The following DAB1 variants were observed in gnomAD, a reference collection of about 807,000 sequenced individuals.
DAB1 encodes disabled homolog 1.
In DAB1, 15 loss-of-function variants were observed where a neutral mutation model predicts 64.6. The ratio of observed to expected loss-of-function variants is 0.23; its 90% CI spans 0.16 to 0.36. The LOEUF (loss-of-function observed/expected upper bound fraction) is 0.36, where lower values mean the gene tolerates loss of function less well. DAB1 is among the 10% of genes least tolerant of loss of function. The pLI is 1.00. For missense variants in DAB1, 596 were observed against 706.7 expected, an observed-to-expected ratio of 0.84 and a Z score of 1.78; for synonymous variants, 235 against 251.9, an observed-to-expected ratio of 0.93 and a Z score of 0.64.
At chr1:57,979,305 A>G (rs1021154839) in intron 5 of DAB1, among the ~76,000 whole-genome samples, 1 of 152,224 alleles carries the variant, frequency 6.6e-6, no homozygotes, top group Non-Finnish European at 1.5e-5. Flanking sequence ...TCAGCAAACT[A>G]TCACAAGAAC....
chr1:57,075,236 T>A (rs3768190), intron 4 of DAB1, among the ~76,000 whole-genome samples: 1 of 152,018 alleles, frequency 6.6e-6, no homozygotes, highest in East Asian at 1.9e-4. Flanking sequence ...AAAATATCAC[T>A]TACCAGGCAA....
intron 7 of DAB1, among the ~76,000 whole-genome samples, chr1:57,545,274 T>C (rs906691308): frequency 6.6e-6 from 1 of 152,240 alleles, no homozygotes; most frequent in Non-Finnish European, 1.5e-5. Flanking sequence ...ACTCCAGTTC[T>C]TTTCTATCCT....
intron 4 of DAB1, among the ~76,000 whole-genome samples, chr1:57,114,601 G>C (rs1255397528): frequency 6.6e-6 from 1 of 152,204 alleles, no homozygotes; most frequent in Non-Finnish European, 1.5e-5. Context: ...TAGCACTTCA[G>C]TATGAAGGAA....
At chr1:58,166,939 G>A (rs930166361) in intron 4 of DAB1, among the ~76,000 whole-genome samples, 1 of 151,440 alleles carries the variant, frequency 6.6e-6, no homozygotes, top group African/African-American at 2.4e-5. Flanking sequence ...TAGAGATGGG[G>A]TTTCACCATG....
intron 3 of DAB1, among the ~76,000 whole-genome samples, chr1:58,371,794 A>G (rs1644266010): frequency 6.6e-6 from 1 of 152,202 alleles, no homozygotes; most frequent in Admixed American, 6.5e-5. Context: ...AGCTCCAGCC[A>G]TTGCTTCAAA....
intron 6 of DAB1, among the ~76,000 whole-genome samples, chr1:57,787,362 A>G (rs948088825): frequency 2.6e-5 from 4 of 152,110 alleles, no homozygotes; most frequent in African/African-American, 9.7e-5. Flanking sequence ...TCCAAAATAG[A>G]CCTGCACGTA....
intron 1 of DAB1, among the ~76,000 whole-genome samples, chr1:57,323,630 G>A (rs192382008): frequency 6.6e-6 from 1 of 152,204 alleles, no homozygotes; most frequent in Non-Finnish European, 1.5e-5. Flanking sequence ...ATCAAACTCA[G>A]CTATGTTGTA....
intron 3 of DAB1, among the ~76,000 whole-genome samples, chr1:58,407,642 T>G (rs1390542167): frequency 6.6e-6 from 1 of 152,138 alleles, no homozygotes. Flanking sequence ...TCAATAGTGC[T>G]GAGGTTGAGA....
At chr1:57,887,606 C>T (rs1288037458), upstream of DAB1, among the ~76,000 whole-genome samples, 3 of 152,170 alleles carry the variant, frequency 2.0e-5, no homozygotes, top group African/African-American at 7.2e-5. Context: ...GCTATTGATG[C>T]TTTAGTGATA....
intron 2 of DAB1, among the ~76,000 whole-genome samples, chr1:57,166,679 G>A (rs1256082035): frequency 1.3e-5 from 2 of 152,136 alleles, no homozygotes; most frequent in Non-Finnish European, 2.9e-5. Context: ...TGAGTGTGAG[G>A]AGATGAGAGG....
chr1:58,538,898 T>A (rs1253050382), intron 1 of DAB1: 1 of 872,878 alleles, frequency 1.1e-6, no homozygotes, highest in South Asian at 1.3e-5. Context: ...AAATTCCTAA[T>A]AGCTCTTATG....
intron 7 of DAB1, among the ~76,000 whole-genome samples, chr1:57,538,609 C>G (rs1240412217): frequency 6.6e-6 from 1 of 152,194 alleles, no homozygotes; most frequent in Non-Finnish European, 1.5e-5. Context: ...CAGCTACCTT[C>G]TCTACCTTGA....
chr1:57,083,878 C>G (rs1190240156), intron 4 of DAB1, among the ~76,000 whole-genome samples: 1 of 152,208 alleles, frequency 6.6e-6, no homozygotes, highest in Non-Finnish European at 1.5e-5. Flanking sequence ...GGACAAATCA[C>G]CTAGCTTCTC....
chr1:57,388,480 G>A (rs1682071213), intron 1 of DAB1, among the ~76,000 whole-genome samples: 1 of 152,024 alleles, frequency 6.6e-6, no homozygotes, highest in African/African-American at 2.4e-5. Context: ...AAATCTTCGA[G>A]GCTCCTCTGT....
chr1:58,300,609 A>G lies in DAB1; in HGVS notation n.309+42743T>C, dbSNP rs1182279071. Among the ~76,000 whole-genome samples, 18 of 34,252 alleles carry G rather than the reference A, an allele frequency of 5.3e-4. 1 individual carries two copies. Among genetic ancestry groups the G allele is most frequent in the African/African-American group, 1.5e-3 (16 of 10,854 alleles). 22.5% of individuals were successfully genotyped at this position (34,252 alleles called of 152,430 possible). A position where few individuals can be genotyped will look rare whatever the true frequency, so the allele number is the denominator to read the frequency against. On this transcript the variant is annotated intron_variant and non_coding_transcript_variant, in intron 4 of 20. Coordinates refer to the DAB1 transcript ENST00000485760. ...GAAAGAAAGAAAGAAAGAAAGAAAG[A>G]AAGAGAGAGAGAGAGAGAGAGAGAG...
At chr1:57,385,014 G>C (rs1297657008) in intron 1 of DAB1, among the ~76,000 whole-genome samples, 1 of 152,144 alleles carries the variant, frequency 6.6e-6, no homozygotes, top group Admixed American at 6.5e-5. Flanking sequence ...ATGCTCTCTA[G>C]AAGAAGCAAT....
At chr1:57,154,342 C>A (rs1231603826) in intron 2 of DAB1, among the ~76,000 whole-genome samples, 1 of 152,198 alleles carries the variant, frequency 6.6e-6, no homozygotes, top group Non-Finnish European at 1.5e-5. Context: ...ATCTCCAGTT[C>A]CATCCATGTG....
chr1:57,754,798 G>A (rs1466235139), intron 6 of DAB1, among the ~76,000 whole-genome samples: 6 of 152,184 alleles, frequency 3.9e-5, no homozygotes, highest in African/African-American at 1.4e-4. Context: ...CAGAGCTGGG[G>A]CTCAGCCCTG....
At chr1:58,244,265 G>T (rs183084002) in intron 4 of DAB1, among the ~76,000 whole-genome samples, 1 of 152,150 alleles carries the variant, frequency 6.6e-6, no homozygotes, top group African/African-American at 2.4e-5. Context: ...CAATGACGAC[G>T]ACTGTAGTGA....
Sources: allele counts gnomAD v4.1 joint callset (sites outside exome capture counted in the v4.1 genomes callset), GRCh38; gene constraint gnomAD v4.1.1; transcripts MANE v1.5; gene names NCBI Gene and HGNC (gene_info 2026-07-23, HGNC 2026-07-21).